Variants in FCHSD2 observed in about 807,000 individuals in gnomAD.
The protein encoded by FCHSD2 is FCH and double SH3 domains 2, also known as F-BAR and double SH3 domains protein 2.
A neutral mutation model predicts 108.1 loss-of-function variants in FCHSD2; 38 were observed. The observed-to-expected ratio is 0.35, with a 90% CI of 0.27 to 0.46. FCHSD2 has a LOEUF of 0.46. Among genes scored for constraint, FCHSD2 ranks in the 20% least tolerant of loss-of-function variants. The probability of loss-of-function intolerance (pLI) is 1.00; values close to 1 mark genes in which losing one functional copy is unlikely to be tolerated. For missense variants in FCHSD2, 751 were observed against 897.8 expected (o/e 0.84, Z 2.09); for synonymous variants, 279 against 314.7 (o/e 0.89, Z 1.20).
intron 8 of FCHSD2, among the ~76,000 whole-genome samples, chr11:72,946,087 A>C (rs1428461714): frequency 6.6e-6 from 1 of 152,188 alleles, no homozygotes; most frequent in Non-Finnish European, 1.5e-5. Flanking sequence ...CTATAAAGAC[A>C]CATGCATACA....
intron 8 of FCHSD2, among the ~76,000 whole-genome samples, chr11:72,933,425 G>C (rs1856234937): frequency 6.6e-6 from 1 of 152,216 alleles, no homozygotes; most frequent in Admixed American, 6.5e-5. Flanking sequence ...CAGTGTCCTT[G>C]AATTGGGTAG....
In FCHSD2 at chr11:72,913,821, A is replaced by ACC. The variant is rs201639046; in HGVS notation, c.828+8005_828+8006dup. ...CTGATATACAAAAAAACCAAAAAAA[A>ACC]CCCAAAAAAAAAACAAAAAAAAAAA... On this transcript the variant is annotated intron_variant, in intron 9 of 19. Coordinates refer to ENST00000409418, the MANE Select transcript of FCHSD2 (RefSeq NM_014824.3). Among the ~76,000 whole-genome samples the ACC allele has an allele frequency of 4.2e-4, 61 of 144,558 alleles. No individual in the cohort carries two copies. In the East Asian group the frequency reaches 4.4e-3, roughly 10 times the overall value. The allele number at this position is 144,558 out of a possible 152,430, so 94.8% of individuals were successfully genotyped here. A position where few individuals can be genotyped will look rare whatever the true frequency, so the allele number is the denominator to read the frequency against.
At chr11:73,051,671 A>G (rs371444969) in intron 3 of FCHSD2, among the ~76,000 whole-genome samples, 25 of 152,332 alleles carry the variant, frequency 1.6e-4, no homozygotes, top group African/African-American at 5.1e-4. Flanking sequence ...TGTACTGGCT[A>G]TGCAACAATA....
intron 3 of FCHSD2, among the ~76,000 whole-genome samples, chr11:73,073,210 A>C (rs969204848): frequency 6.6e-6 from 1 of 152,232 alleles, no homozygotes; most frequent in African/African-American, 2.4e-5. Context: ...TTGTTCCCTA[A>C]TATTTAATGT....
intron 1 of FCHSD2, 108 bp downstream of exon 1, chr11:73,141,749 G>A (rs1311249978): frequency 2.1e-5 from 25 of 1,209,572 alleles, no homozygotes; most frequent in Admixed American, 2.5e-5. Flanking sequence ...CCCAAGACGA[G>A]GGCGGTCACG....
chr11:73,033,301 A>T (rs142394697), intron 3 of FCHSD2, among the ~76,000 whole-genome samples: 1,583 of 152,000 alleles, frequency 0.01, 21 homozygotes, highest in Non-Finnish European at 0.016. Context: ...AAAAAAAAAA[A>T]AGTAGTTAGA....
intron 9 of FCHSD2, among the ~76,000 whole-genome samples, chr11:72,911,991 T>C (rs1054425532): frequency 6.6e-6 from 1 of 152,270 alleles, no homozygotes; most frequent in East Asian, 1.9e-4. Context: ...TATTTTTGTA[T>C]GTTGATTTTG....
At chr11:73,069,244 G>C (rs1859374313) in intron 3 of FCHSD2, among the ~76,000 whole-genome samples, 1 of 145,808 alleles carries the variant, frequency 6.9e-6, no homozygotes, top group African/African-American at 2.6e-5. Flanking sequence ...CATGGAGGCA[G>C]AGGTTGCTGT....
chr11:72,987,946 A>G (rs1350573582), intron 6 of FCHSD2, among the ~76,000 whole-genome samples: 1 of 152,234 alleles, frequency 6.6e-6, no homozygotes, highest in East Asian at 1.9e-4. Flanking sequence ...CAATAAATAC[A>G]ATAAAACAAA....
At chr11:72,870,021 C>T (rs1211033343) in intron 12 of FCHSD2, among the ~76,000 whole-genome samples, 2 of 152,170 alleles carry the variant, frequency 1.3e-5, no homozygotes, top group African/African-American at 4.8e-5. Context: ...TATGCTCCCA[C>T]CCCACTGTCC....
At chr11:72,968,834 C>T (rs758451140) in intron 8 of FCHSD2, among the ~76,000 whole-genome samples, 5 of 152,170 alleles carry the variant, frequency 3.3e-5, no homozygotes, top group Non-Finnish European at 7.3e-5. Context: ...TTGACCAACA[C>T]TTCTCCTTGG....
chr11:73,050,953 T>C (rs1423504290), intron 3 of FCHSD2, among the ~76,000 whole-genome samples: 1 of 152,126 alleles, frequency 6.6e-6, no homozygotes, highest in African/African-American at 2.4e-5. Context: ...AGTACAGAAA[T>C]TGAGAGTAAG....
chr11:73,028,746 A>T (rs1474197865), intron 3 of FCHSD2, among the ~76,000 whole-genome samples: 2 of 151,990 alleles, frequency 1.3e-5, no homozygotes, highest in African/African-American at 4.8e-5. Context: ...GTGGGAGGAG[A>T]TTGGATCATG....
At chr11:73,128,257 T>C (rs1860906311) in intron 2 of FCHSD2, among the ~76,000 whole-genome samples, 2 of 152,158 alleles carry the variant, frequency 1.3e-5, no homozygotes, top group South Asian at 4.1e-4. Context: ...GTTCCAGTGA[T>C]AGCCCTCATA....
intron 10 of FCHSD2, among the ~76,000 whole-genome samples, chr11:72,891,385 TA>T (rs1462797372): frequency 6.6e-6 from 1 of 152,222 alleles, no homozygotes; most frequent in East Asian, 1.9e-4. Flanking sequence ...AGCTAGATTA[TA>T]ACAATGACAA....
intron 8 of FCHSD2, among the ~76,000 whole-genome samples, chr11:72,978,072 A>T (rs1223943392): frequency 6.6e-6 from 1 of 152,150 alleles, no homozygotes; most frequent in Admixed American, 6.5e-5. Context: ...CAGAAAACCA[A>T]ACACCACATG....
chr11:72,986,016 A>G (rs1591458869), intron 6 of FCHSD2, among the ~76,000 whole-genome samples: 1 of 152,234 alleles, frequency 6.6e-6, no homozygotes, highest in East Asian at 1.9e-4. Flanking sequence ...TTGGGACTGG[A>G]TGATGGAGCA....
At chr11:72,961,776 A>T (rs1856823048) in intron 8 of FCHSD2, among the ~76,000 whole-genome samples, 1 of 152,208 alleles carries the variant, frequency 6.6e-6, no homozygotes, top group Admixed American at 6.5e-5. Flanking sequence ...AATAGTCAAA[A>T]ATATTTTATA....
intron 2 of FCHSD2, among the ~76,000 whole-genome samples, chr11:73,134,680 C>T (rs756214383): frequency 6.6e-6 from 1 of 152,208 alleles, no homozygotes; most frequent in Non-Finnish European, 1.5e-5. Context: ...ACATATTCAG[C>T]CTTCTCTGGG....
Sources: allele counts gnomAD v4.1 joint callset (sites outside exome capture counted in the v4.1 genomes callset), GRCh38; gene constraint gnomAD v4.1.1; transcripts MANE v1.5; gene names NCBI Gene and HGNC (gene_info 2026-07-23, HGNC 2026-07-21).